ZFHX3: variants seen among roughly 807,000 people sequenced by gnomAD.
ZFHX3 encodes the protein zinc finger homeobox 3, also known as zinc finger homeobox protein 3.
A neutral mutation model predicts 279.1 loss-of-function variants in ZFHX3; 42 were observed. The ratio of observed to expected loss-of-function variants is 0.15; its 90% CI spans 0.12 to 0.19. The LOEUF (loss-of-function observed/expected upper bound fraction) is 0.19. ZFHX3 is among the 10% of genes least tolerant of loss of function. The pLI is 1.00. For missense variants in ZFHX3, 4,981 were observed against 4,754.0 expected (o/e 1.05, Z -1.40); for synonymous variants, 2,293 against 1,957.8 (o/e 1.17, Z -4.52).
chr16:73,682,183 A>G (rs1276676666), intron 1 of ZFHX3, among the ~76,000 whole-genome samples: 1 of 152,236 alleles, frequency 6.6e-6, no homozygotes, highest in Non-Finnish European at 1.5e-5. Flanking sequence ...AAAATAAGGT[A>G]ATATTTGGAA....
chr16:73,298,090 C>T (rs1325848736), intron 4 of ZFHX3, among the ~76,000 whole-genome samples: 2 of 151,670 alleles, frequency 1.3e-5, no homozygotes, highest in South Asian at 2.1e-4. Context: ...ACCTGGGAGG[C>T]TGAGGTAGGA....
upstream of ZFHX3, among the ~76,000 whole-genome samples, chr16:73,062,832 G>A (rs966398676): frequency 6.6e-6 from 1 of 152,136 alleles, no homozygotes; most frequent in Non-Finnish European, 1.5e-5. Context: ...GGAGGGTGAA[G>A]AATGTGCGAG....
chr16:73,851,131 A>AT (rs1180958890), intron 1 of ZFHX3, among the ~76,000 whole-genome samples: 1 of 152,092 alleles, frequency 6.6e-6, no homozygotes, highest in East Asian at 1.9e-4. Context: ...GTTACGAACG[A>AT]TTTTTTTCTG....
chr16:73,821,936 T>C (rs1024783250), intron 1 of ZFHX3, among the ~76,000 whole-genome samples: 2 of 152,068 alleles, frequency 1.3e-5, no homozygotes, highest in African/African-American at 4.8e-5. Flanking sequence ...ACCCAAAGAC[T>C]CCATGTCTGA....
At chr16:73,613,731 C>T (rs937932486) in intron 2 of ZFHX3, among the ~76,000 whole-genome samples, 1 of 152,120 alleles carries the variant, frequency 6.6e-6, no homozygotes, top group African/African-American at 2.4e-5. Flanking sequence ...ATTGTGTGCC[C>T]CGTTTCACTA....
At chr16:73,077,555 GAA>G (rs758871684) in intron 8 of ZFHX3, among the ~76,000 whole-genome samples, 10 of 139,438 alleles carry the variant, frequency 7.2e-5, no homozygotes, top group Non-Finnish European at 1.3e-4. Flanking sequence ...AATCTGCTTA[GAA>G]AAAAAAAAAG....
intron 1 of ZFHX3, among the ~76,000 whole-genome samples, chr16:73,044,187 G>A (rs1446677924): frequency 6.6e-6 from 1 of 152,104 alleles, no homozygotes; most frequent in Non-Finnish European, 1.5e-5. Context: ...GTTCTGAGCT[G>A]TGCTGTGATT....
At chr16:73,207,947 C>A (rs756854526) in intron 5 of ZFHX3, among the ~76,000 whole-genome samples, 1 of 152,182 alleles carries the variant, frequency 6.6e-6, no homozygotes, top group Non-Finnish European at 1.5e-5. Context: ...TTTTCTACTT[C>A]TGAGGAATCT....
At position 72,784,669 on chromosome 16, in the gene ZFHX3, A is replaced by T. The variant is rs1379663315; in HGVS notation, c.*2495T>A. The T allele has an allele frequency of 6.6e-6, 1 of 152,530 alleles. No individual in the cohort carries two copies. The highest frequency in any genetic ancestry group is 6.5e-5 in the Admixed American group (1 of 15,272). 9.4% of individuals were successfully genotyped at this position (152,530 alleles called of 1,614,324 possible). On this transcript the variant is annotated 3_prime_UTR_variant, in exon 10 of 10. Transcript: ENST00000268489. ...AGGAAGAAATACAAGATTTCTTGTT[A>T]AAAGGAAATAGCTTGTTAAAACAGT...
chr16:73,415,343 C>A (rs898023239), intron 3 of ZFHX3, among the ~76,000 whole-genome samples: 2 of 152,146 alleles, frequency 1.3e-5, no homozygotes, highest in African/African-American at 2.4e-5. Context: ...AAAAGTGAAA[C>A]TTCAGCTTTT....
At chr16:72,913,335 C>T (rs1597372511) in intron 3 of ZFHX3, among the ~76,000 whole-genome samples, 1 of 152,364 alleles carries the variant, frequency 6.6e-6, no homozygotes, top group African/African-American at 2.4e-5. Context: ...AAATGTCATT[C>T]TCCTCCATCG....
chr16:72,853,999 T>C (rs2037685609), intron 4 of ZFHX3, among the ~76,000 whole-genome samples: 1 of 152,138 alleles, frequency 6.6e-6, no homozygotes, highest in Non-Finnish European at 1.5e-5. Context: ...TTGTGCATCT[T>C]TGCAAAACAA....
At chr16:73,410,987 C>T (rs1049776269) in intron 3 of ZFHX3, among the ~76,000 whole-genome samples, 4 of 152,180 alleles carry the variant, frequency 2.6e-5, no homozygotes, top group South Asian at 2.1e-4. Flanking sequence ...GTCATCCCAC[C>T]GACATAGCAC....
chr16:73,152,060 C>T (rs1234879095), intron 5 of ZFHX3, among the ~76,000 whole-genome samples: 1 of 151,956 alleles, frequency 6.6e-6, no homozygotes, highest in Non-Finnish European at 1.5e-5. Flanking sequence ...ATCCCTAAGA[C>T]ATTTCCCTCA....
intron 1 of ZFHX3, among the ~76,000 whole-genome samples, chr16:73,795,848 A>T (rs1246584585): frequency 6.6e-6 from 1 of 152,218 alleles, no homozygotes; most frequent in African/African-American, 2.4e-5. Flanking sequence ...GATAGATTAG[A>T]TGGCCTCTCC....
intron 5 of ZFHX3, among the ~76,000 whole-genome samples, chr16:72,819,407 G>C (rs369939935): frequency 7.2e-5 from 11 of 152,206 alleles, no homozygotes; most frequent in African/African-American, 1.7e-4. Flanking sequence ...TCGCAGCCTT[G>C]AGGTTCAGCA....
chr16:73,583,885 T>C (rs534397933), intron 2 of ZFHX3, among the ~76,000 whole-genome samples: 3 of 152,098 alleles, frequency 2.0e-5, no homozygotes, highest in Non-Finnish European at 2.9e-5. Context: ...TATGAACGTA[T>C]ACAAAATGAT....
intron 1 of ZFHX3, among the ~76,000 whole-genome samples, chr16:73,797,852 T>C (rs1349865987): frequency 7.0e-5 from 10 of 142,458 alleles, no homozygotes; most frequent in Non-Finnish European, 1.3e-4. Context: ...TGCACTCTTG[T>C]CACCCAGGCT....
At chr16:73,285,220 C>T (rs1264966351) in intron 4 of ZFHX3, among the ~76,000 whole-genome samples, 1 of 152,110 alleles carries the variant, frequency 6.6e-6, no homozygotes, top group Non-Finnish European at 1.5e-5. Flanking sequence ...GGTAGACAAC[C>T]CTGGATTAGG....
Sources: gnomAD v4.1 joint callset for allele counts (sites outside exome capture counted in the v4.1 genomes callset) on GRCh38, gnomAD v4.1.1 for gene constraint, MANE v1.5 for transcripts, NCBI Gene and HGNC (gene_info 2026-07-23, HGNC 2026-07-21) for gene names.